MAP3K4: variants seen among roughly 807,000 people sequenced by gnomAD.
The protein encoded by MAP3K4 is MAP three kinase 1.
In MAP3K4, 67 loss-of-function variants were observed where a neutral mutation model predicts 185.6. The observed-to-expected ratio is 0.36, with a 90% CI of 0.30 to 0.44. The LOEUF is 0.44. MAP3K4 is among the 20% of genes least tolerant of loss of function. The pLI, the probability that MAP3K4 is intolerant of heterozygous loss-of-function variation, is 1.00. For synonymous variants in MAP3K4, 702 were observed against 710.4 expected (o/e 0.99, Z 0.19); for missense variants, 1,551 against 1,995.1 (o/e 0.78, Z 4.24).
chr6:161,074,923 C>G lies in MAP3K4; in HGVS notation c.2097+1311C>G, dbSNP rs889765469. 6.6e-6 allele frequency among the ~76,000 whole-genome samples: 1 copy of G among 152,170 alleles called. No homozygotes were observed. Among genetic ancestry groups the G allele is most frequent in the African/African-American group, 2.4e-5 (1 of 41,438 alleles). ...CCTGGCAACCCCACCCAGCACATTT[C>G]CCCTGCCTTTTGTTGACCAGACCTG... On this transcript the variant is annotated intron_variant, in intron 5 of 26. Transcript: ENST00000392142. This position sits in a 1 kb window ranked among gnomAD's most constrained non-coding sequence, Gnocchi z 5.0.
At chr6:161,102,423 C>T (rs1191747421) in intron 18 of MAP3K4, among the ~76,000 whole-genome samples, 2 of 152,120 alleles carry the variant, frequency 1.3e-5, no homozygotes, top group Admixed American at 6.5e-5. Flanking sequence ...TGAATGAAGT[C>T]CCTAAGGAAT....
At chr6:161,016,784 C>G (rs750494613) in intron 1 of MAP3K4, among the ~76,000 whole-genome samples, 5 of 152,332 alleles carry the variant, frequency 3.3e-5, no homozygotes, top group Middle Eastern at 6.8e-3. Context: ...CAGCATTACT[C>G]TTTTCCAGGA....
chr6:160,994,787 G>A (rs1583076997), intron 1 of MAP3K4, among the ~76,000 whole-genome samples: 2 of 152,186 alleles, frequency 1.3e-5, no homozygotes, highest in East Asian at 3.9e-4. Flanking sequence ...TGCAACCTCT[G>A]CCTCCCGAGT....
At chr6:160,994,973 A>C (rs909940483) in intron 1 of MAP3K4, among the ~76,000 whole-genome samples, 1 of 152,210 alleles carries the variant, frequency 6.6e-6, no homozygotes, top group Non-Finnish European at 1.5e-5. Flanking sequence ...TGTTGGGATT[A>C]CAGGCGTGAG....
chr6:161,025,678 C>G (rs1370334908), intron 1 of MAP3K4, among the ~76,000 whole-genome samples: 1 of 152,154 alleles, frequency 6.6e-6, no homozygotes, highest in Non-Finnish European at 1.5e-5. Context: ...GTTTTTTCCA[C>G]AAGTAAATTT....
chr6:161,097,823 C>G lies in MAP3K4; in HGVS notation c.3525-455C>G, dbSNP rs749238592. Among the ~76,000 whole-genome samples the G allele has an allele frequency of 1.3e-4, 20 of 151,548 alleles. No individual in the cohort carries two copies. Among genetic ancestry groups the G allele is most frequent in the Non-Finnish European group, 1.8e-4 (12 of 67,958 alleles). ...TTGAGGGGACCGGGGTGCGGTGACTCACGCCTGTAATTCCAGCACTTTAGG... is the reference window on the plus strand; with the variant it reads ...TTGAGGGGACCGGGGTGCGGTGACTGACGCCTGTAATTCCAGCACTTTAGG... On this transcript the variant is annotated intron_variant, in intron 16 of 26. Coordinates refer to ENST00000392142, the MANE Select transcript of MAP3K4 (RefSeq NM_005922.4). This position sits in a 1 kb window ranked among gnomAD's most constrained non-coding sequence, Gnocchi z 4.9.
Position 161,093,074 on chromosome 6 carries a change from G to A in MAP3K4, c.3348+18G>A, listed in dbSNP as rs1554284815. ...ACTTCTTGGTATGGATTATTCTAAA[G>A]TTTTTTTCATTATAAAATAAGCCAG... On this transcript the variant is annotated intron_variant, in intron 14 of 26. Transcript: ENST00000392142. The surrounding 1 kb of genome is among the most constrained non-coding windows in gnomAD (Gnocchi z 5.2). 3 of 1,553,728 alleles carry A rather than the reference G, an allele frequency of 1.9e-6. No homozygotes were observed. Among genetic ancestry groups the A allele is most frequent in the South Asian group, 2.3e-5 (2 of 87,118 alleles).
At chr6:161,020,080 G>A (rs1030089038) in intron 1 of MAP3K4, among the ~76,000 whole-genome samples, 2 of 152,202 alleles carry the variant, frequency 1.3e-5, no homozygotes, top group Admixed American at 1.3e-4. Flanking sequence ...TTTGTAGTTT[G>A]AGCATTGGCT....
chr6:161,035,126 C>G (rs970886234), intron 2 of MAP3K4, among the ~76,000 whole-genome samples: 6 of 152,130 alleles, frequency 3.9e-5, no homozygotes, highest in African/African-American at 1.4e-4. Context: ...TGCGCTGCAG[C>G]CTCCTTGTAC....
chr6:161,044,736 A>G (rs1783641876), intron 2 of MAP3K4, among the ~76,000 whole-genome samples: 1 of 152,230 alleles, frequency 6.6e-6, no homozygotes, highest in Non-Finnish European at 1.5e-5. Flanking sequence ...TATGCTATAC[A>G]AGCGTGGCAC....
chr6:160,993,079 CTG>C (rs1780819086), intron 1 of MAP3K4, among the ~76,000 whole-genome samples: 1 of 152,312 alleles, frequency 6.6e-6, no homozygotes. Context: ...ACACCTGTAA[CTG>C]TAGTTAGAAC....
chr6:161,025,274 C>T (rs962754743), intron 1 of MAP3K4, among the ~76,000 whole-genome samples: 1 of 152,234 alleles, frequency 6.6e-6, no homozygotes, highest in Non-Finnish European at 1.5e-5. Context: ...TCAGCCATTT[C>T]TCCAAAATTC....
Position 161,055,786 on chromosome 6 carries a change from C to T in MAP3K4, c.1707+5807C>T, listed in dbSNP as rs185359324. Reference sequence around the variant, plus strand: ...TCACTGTTGATGTTAACCTTGATCACTTGGTTAAGGTGGTGTCTGCTAGGT... The same window carrying T: ...TCACTGTTGATGTTAACCTTGATCATTTGGTTAAGGTGGTGTCTGCTAGGT... On this transcript the variant is annotated intron_variant, in intron 3 of 26. Coordinates refer to ENST00000392142, the MANE Select transcript of MAP3K4 (RefSeq NM_005922.4). Among the ~76,000 whole-genome samples the T allele has an allele frequency of 4.6e-5, 7 of 152,292 alleles. No homozygotes were observed. In the East Asian group the frequency reaches 1.4e-3, roughly 29 times the overall value.
intron 1 of MAP3K4, among the ~76,000 whole-genome samples, chr6:161,011,557 C>T (rs929516346): frequency 6.6e-6 from 1 of 152,060 alleles, no homozygotes; most frequent in Non-Finnish European, 1.5e-5. Context: ...AGTAGGATGT[C>T]AGAAGTAAGT....
At position 161,087,670 on chromosome 6, in the gene MAP3K4, G is replaced by C. The variant is rs1187399558; in HGVS notation, c.2557-18G>C. 1.2e-6 allele frequency: 2 copies of C among 1,612,586 alleles called. No homozygotes were observed. The highest frequency in any genetic ancestry group is 2.2e-5 in the East Asian group (1 of 44,880). On this transcript the variant is annotated intron_variant, in intron 9 of 26. Coordinates refer to ENST00000392142, the MANE Select transcript of MAP3K4 (RefSeq NM_005922.4). This position sits in a 1 kb window ranked among gnomAD's most constrained non-coding sequence, Gnocchi z 4.9. ...AATGTACAGTGTTCCTTAAGATTTT[G>C]GATTATGTCTTTTGCAGGTGCAAAT...
intron 1 of MAP3K4, among the ~76,000 whole-genome samples, chr6:161,006,345 T>C (rs902751155): frequency 3.3e-5 from 5 of 152,190 alleles, no homozygotes; most frequent in Non-Finnish European, 7.4e-5. Flanking sequence ...AGATTGAAAA[T>C]ATTCAGAAAA....
rs1777846410 is a variant in MAP3K4, at chr6:161,101,686, G to T, written c.3675-206G>T. On this transcript the variant is annotated intron_variant, in intron 17 of 26. Transcript: ENST00000392142. This position sits in a 1 kb window ranked among gnomAD's most constrained non-coding sequence, Gnocchi z 5.1. ...GCTGTTCACTTAGGGGGCTGATTCT[G>T]GTGGGTCTGTCCTGTGCGTTTTCCG... The T allele has an allele frequency of 2.0e-6, 1 of 499,568 alleles. No homozygotes were observed. Among genetic ancestry groups the T allele is most frequent in the Admixed American group, 3.3e-5 (1 of 29,854 alleles). 30.9% of individuals were successfully genotyped at this position (499,568 alleles called of 1,614,324 possible).
Position 161,047,452 on chromosome 6 carries a change from T to A in MAP3K4, c.344-1164T>A, listed in dbSNP as rs1783785163. Among the ~76,000 whole-genome samples the A allele has an allele frequency of 2.0e-5, 3 of 152,152 alleles. No homozygotes were observed. In the South Asian group the frequency reaches 6.2e-4, roughly 32 times the overall value. On this transcript the variant is annotated intron_variant, in intron 2 of 26. Coordinates refer to ENST00000392142, the MANE Select transcript of MAP3K4 (RefSeq NM_005922.4). ...TGGCAAATATGTCCCTAAAACTTAC[T>A]TATATCATCATTGATTATATATAAC...
Position 161,098,465 on chromosome 6 carries a change from C to A in MAP3K4, c.3674+38C>A, listed in dbSNP as rs754494469. ...CACCAGTGTCCCGTACCCTCACCACCCCTTACATGCGCTTACACAGCAACC... is the reference window on the plus strand; with the variant it reads ...CACCAGTGTCCCGTACCCTCACCACACCTTACATGCGCTTACACAGCAACC... On this transcript the variant is annotated intron_variant, in intron 17 of 26. Transcript: ENST00000392142. The surrounding 1 kb of genome is among the most constrained non-coding windows in gnomAD (Gnocchi z 4.4). 7 of 1,586,920 alleles carry A rather than the reference C, an allele frequency of 4.4e-6. No homozygotes were observed. Among genetic ancestry groups the A allele is most frequent in the Admixed American group, 1.7e-5 (1 of 57,778 alleles).
Sources: gnomAD v4.1 joint callset for allele counts (sites outside exome capture counted in the v4.1 genomes callset) on GRCh38, gnomAD v4.1.1 for gene constraint, Gnocchi (gnomAD v3.1) non-coding constraint, MANE v1.5 for transcripts, NCBI Gene and HGNC (gene_info 2026-07-23, HGNC 2026-07-21) for gene names.